IL1RAPL2: variants seen among roughly 807,000 people sequenced by gnomAD.
The protein encoded by IL1RAPL2 is X-linked interleukin-1 receptor accessory protein-like 2.
A neutral mutation model predicts 44.1 loss-of-function variants in IL1RAPL2; 3 were observed. The ratio of observed to expected loss-of-function variants is 0.07; its 90% CI spans 0.03 to 0.18. The LOEUF is 0.18. Ranked by LOEUF, IL1RAPL2 falls within the 10% of genes least tolerant of loss-of-function variation. The probability of loss-of-function intolerance (pLI) is 1.00; values close to 1 mark genes in which losing one functional copy is unlikely to be tolerated. For missense variants in IL1RAPL2, 391 were observed against 496.4 expected (o/e 0.79, Z 2.02); for synonymous variants, 181 against 178.8 (o/e 1.01, Z -0.10).
chrX:104,612,441 C>T (rs1929181982), intron 1 of IL1RAPL2, among the ~76,000 whole-genome samples: 1 of 111,821 alleles, frequency 8.9e-6, no homozygotes, highest in African/African-American at 3.2e-5. Context: ...AATAGGGAGT[C>T]CTTTCCCCAT....
intron 5 of IL1RAPL2, among the ~76,000 whole-genome samples, chrX:105,271,476 G>A (rs748519814): frequency 2.7e-5 from 3 of 111,285 alleles, no homozygotes; most frequent in African/African-American, 9.8e-5. Flanking sequence ...TAATTGAAGT[G>A]AAAAAGTAAG....
intron 1 of IL1RAPL2, among the ~76,000 whole-genome samples, chrX:104,590,338 C>T (rs963173754): frequency 2.7e-5 from 3 of 111,858 alleles, no homozygotes; most frequent in Non-Finnish European, 3.8e-5. Context: ...AGCCACTGTG[C>T]CTGGCCTAAG....
At chrX:105,187,391 T>C (rs1450298397) in intron 2 of IL1RAPL2, among the ~76,000 whole-genome samples, 1 of 111,464 alleles carries the variant, frequency 9.0e-6, no homozygotes, top group Non-Finnish European at 1.9e-5. Context: ...GGCCTTATAA[T>C]ATATTCCACC....
At chrX:105,700,807 AT>A (rs1442086185) in intron 6 of IL1RAPL2, among the ~76,000 whole-genome samples, 5 of 111,347 alleles carry the variant, frequency 4.5e-5, no homozygotes, top group Non-Finnish European at 7.5e-5. Flanking sequence ...GATCATGTTG[AT>A]TTGATAAGCA....
chrX:105,457,329 C>A (rs1266894956), intron 5 of IL1RAPL2, among the ~76,000 whole-genome samples: 1 of 111,096 alleles, frequency 9.0e-6, no homozygotes, highest in East Asian at 2.8e-4. Flanking sequence ...TGTTGTGTAT[C>A]CATCACTGCT....
At chrX:104,722,254 C>T (rs1418439847) in intron 2 of IL1RAPL2, among the ~76,000 whole-genome samples, 1 of 111,408 alleles carries the variant, frequency 9.0e-6, no homozygotes, top group Non-Finnish European at 1.9e-5. Flanking sequence ...AATGAGCTAG[C>T]TGTGTATCAA....
intron 2 of IL1RAPL2, among the ~76,000 whole-genome samples, chrX:104,909,267 A>G (rs1439392359): frequency 9.0e-6 from 1 of 111,442 alleles, no homozygotes; most frequent in Non-Finnish European, 1.9e-5. Context: ...CAAAGTTTTC[A>G]ACATCTTTGC....
At chrX:104,906,944 G>T (rs1490238756) in intron 2 of IL1RAPL2, among the ~76,000 whole-genome samples, 1 of 111,391 alleles carries the variant, frequency 9.0e-6, no homozygotes, top group Non-Finnish European at 1.9e-5. Flanking sequence ...GACTCTTTTT[G>T]GTTGGTAAGC....
chrX:105,676,099 G>A (rs946098888), intron 6 of IL1RAPL2: 2 of 110,973 alleles, frequency 1.8e-5, no homozygotes, highest in East Asian at 2.8e-4. Flanking sequence ...ATGAATTTGC[G>A]TGACATCCTT....
chrX:105,446,242 A>G (rs1473982915), intron 5 of IL1RAPL2, among the ~76,000 whole-genome samples: 1 of 110,258 alleles, frequency 9.1e-6, no homozygotes, highest in Non-Finnish European at 1.9e-5. Flanking sequence ...TTGCCGTGGG[A>G]TATCTTTTTC....
chrX:105,138,056 G>A (rs773163414), intron 2 of IL1RAPL2, among the ~76,000 whole-genome samples: 6 of 111,493 alleles, frequency 5.4e-5, no homozygotes, highest in Non-Finnish European at 9.4e-5. Context: ...CTGGGTGACC[G>A]AGTGAGATCC....
intron 2 of IL1RAPL2, among the ~76,000 whole-genome samples, chrX:105,047,901 G>T (rs2031862637): frequency 9.0e-6 from 1 of 111,567 alleles, no homozygotes; most frequent in Non-Finnish European, 1.9e-5. Flanking sequence ...ACTCCTTCTG[G>T]GAGTCAGTAG....
At chrX:104,992,820 AG>A (rs199769959) in intron 2 of IL1RAPL2, among the ~76,000 whole-genome samples, 2,881 of 111,498 alleles carry the variant, frequency 0.026, 86 homozygotes, top group African/African-American at 0.09. Context: ...TACCAACATC[AG>A]GGCCTCTCCT....
intron 2 of IL1RAPL2, among the ~76,000 whole-genome samples, chrX:104,908,462 T>G (rs1466089992): frequency 9.0e-6 from 1 of 111,599 alleles, no homozygotes; most frequent in Non-Finnish European, 1.9e-5. Context: ...TTTCCATGTT[T>G]AGCACTTCCT....
chrX:104,570,222 T>C (rs908855933), intron 1 of IL1RAPL2, among the ~76,000 whole-genome samples: 15 of 112,299 alleles, frequency 1.3e-4, no homozygotes, highest in Admixed American at 1.1e-3. Flanking sequence ...CTCTGAGAAC[T>C]GTCCCTTGAT....
At chrX:105,090,410 A>G (rs1385306868) in intron 2 of IL1RAPL2, among the ~76,000 whole-genome samples, 2 of 112,047 alleles carry the variant, frequency 1.8e-5, no homozygotes, top group South Asian at 7.4e-4. Context: ...GTTCAAACCC[A>G]TGTTTTTCAA....
chrX:105,618,114 C>T (rs2037390874), intron 6 of IL1RAPL2, among the ~76,000 whole-genome samples: 1 of 106,520 alleles, frequency 9.4e-6, no homozygotes, highest in Admixed American at 1.0e-4. Flanking sequence ...ATCTCTCTCT[C>T]TCTCACTCAC....
At chrX:105,521,239 C>T (rs959663925) in intron 6 of IL1RAPL2, among the ~76,000 whole-genome samples, 12 of 108,722 alleles carry the variant, frequency 1.1e-4, no homozygotes, top group African/African-American at 3.7e-4. Flanking sequence ...CCACCGCGCC[C>T]GGCCTGCTAT....
At chrX:105,397,393 G>C (rs2035571875) in intron 5 of IL1RAPL2, among the ~76,000 whole-genome samples, 1 of 110,528 alleles carries the variant, frequency 9.0e-6, no homozygotes, top group African/African-American at 3.3e-5. Flanking sequence ...CAACTTCAAG[G>C]AAGTTTTGAG....
Sources: gnomAD v4.1 joint callset for allele counts (sites outside exome capture counted in the v4.1 genomes callset) on GRCh38, gnomAD v4.1.1 for gene constraint, MANE v1.5 for transcripts, NCBI Gene and HGNC (gene_info 2026-07-23, HGNC 2026-07-21) for gene names.